Variants in ZDHHC5 observed in about 807,000 individuals in gnomAD.
ZDHHC5 encodes palmitoyltransferase ZDHHC5.
Under a neutral mutation model 70.0 loss-of-function variants are expected in ZDHHC5, and 22 were observed. That is an observed-to-expected ratio of 0.31 (90% CI 0.22 to 0.45). The LOEUF (loss-of-function observed/expected upper bound fraction) is 0.45, where lower values mean the gene tolerates loss of function less well. Among genes scored for constraint, ZDHHC5 ranks in the 20% least tolerant of loss-of-function variants. The pLI is 1.00. For missense variants in ZDHHC5, 746 were observed against 926.9 expected, an observed-to-expected ratio of 0.80 and a Z score of 2.53; for synonymous variants, 313 against 347.8, an observed-to-expected ratio of 0.90 and a Z score of 1.11.
chr11:57,688,376 C>G, intron 3 of ZDHHC5, 132 bp from the exon 4 acceptor site: 1 of 1,059,776 alleles, frequency 9.4e-7, no homozygotes, highest in Non-Finnish European at 1.3e-6. Flanking sequence ...TCTTATAGTT[C>G]CTAGTTCCTA....
At chr11:57,681,930 G>A (rs999580787) in intron 2 of ZDHHC5, among the ~76,000 whole-genome samples, 5 of 152,244 alleles carry the variant, frequency 3.3e-5, no homozygotes, top group Non-Finnish European at 5.9e-5. Context: ...AGGCACTTAT[G>A]TGGTTCAGTC....
At position 57,673,211 on chromosome 11, in the gene ZDHHC5, C is replaced by T. The variant is rs951330636; in HGVS notation, c.104+17C>T. On this transcript the variant is annotated intron_variant, in intron 2 of 11. Coordinates refer to ENST00000287169, the MANE Select transcript of ZDHHC5 (RefSeq NM_015457.3). Reference sequence around the variant, plus strand: ...TGCCTTTACGTGAGTTTTCTCCCAGCAGGGGTGTTTGGGTGGGTGGATACT... The same window carrying T: ...TGCCTTTACGTGAGTTTTCTCCCAGTAGGGGTGTTTGGGTGGGTGGATACT... The T allele has an allele frequency of 1.2e-6, 2 of 1,612,528 alleles. No homozygotes were observed. The highest frequency in any genetic ancestry group is 1.1e-5 in the South Asian group (1 of 91,030).
At chr11:57,668,934 T>G (rs947267840) in intron 1 of ZDHHC5, among the ~76,000 whole-genome samples, 1 of 152,230 alleles carries the variant, frequency 6.6e-6, no homozygotes, top group Non-Finnish European at 1.5e-5. Flanking sequence ...AGGAAGGCAG[T>G]TGTAGGATCA....
intron 1 of ZDHHC5, among the ~76,000 whole-genome samples, chr11:57,671,328 T>A (rs1946003743): frequency 6.6e-6 from 1 of 152,208 alleles, no homozygotes; most frequent in Non-Finnish European, 1.5e-5. Context: ...TTACTTTTAA[T>A]CATATTGGGG....
chr11:57,681,561 G>C (rs552241801), intron 2 of ZDHHC5: 2 of 152,336 alleles, frequency 1.3e-5, no homozygotes, highest in South Asian at 4.1e-4. Flanking sequence ...AGCAGAGAAA[G>C]GAAGAGCTCT....
At position 57,672,989 on chromosome 11, in the gene ZDHHC5, G is replaced by A; in HGVS notation, c.-102G>A. ...TTTTCTGTTTCCCTGGTTTTCTTTT[G>A]TACTCCTCTCTGTTGCTTCCCTCCT... On this transcript the variant is annotated 5_prime_UTR_variant, in exon 2 of 12. Transcript: ENST00000287169. 1.9e-6 allele frequency: 2 copies of A among 1,065,034 alleles called. No homozygotes were observed. Among genetic ancestry groups the A allele is most frequent in the African/African-American group, 1.6e-5 (1 of 63,208 alleles). The allele number at this position is 1,065,034 out of a possible 1,614,324, so 66.0% of individuals were successfully genotyped here. A position where few individuals can be genotyped will look rare whatever the true frequency, so the allele number is the denominator to read the frequency against.
chr11:57,690,478 A>G, intron 6 of ZDHHC5, 41 bp downstream of exon 6: 2 of 1,599,112 alleles, frequency 1.3e-6, no homozygotes, highest in Non-Finnish European at 8.6e-7. Context: ...AGAGCAGGTC[A>G]TGTCTCTTTA....
At position 57,699,855 on chromosome 11, in the gene ZDHHC5, C is replaced by G; in HGVS notation, c.1983-11C>G. 1 of 1,614,232 alleles carries G rather than the reference C, an allele frequency of 6.2e-7. No homozygotes were observed. Among genetic ancestry groups the G allele is most frequent in the Non-Finnish European group, 8.5e-7 (1 of 1,180,028 alleles). ...ATTTCCTGACACCTACGTCTTGTCT[C>G]TTCTTTCCAGAGATGAAGTACAGCT... On this transcript the variant is annotated splice_polypyrimidine_tract_variant and intron_variant, in intron 11 of 11. Coordinates refer to ENST00000287169, the MANE Select transcript of ZDHHC5 (RefSeq NM_015457.3).
chr11:57,675,686 T>A (rs545498298), intron 2 of ZDHHC5, among the ~76,000 whole-genome samples: 1 of 152,356 alleles, frequency 6.6e-6, no homozygotes, highest in African/African-American at 2.4e-5. Flanking sequence ...ACAAACACAC[T>A]GTTTATCTTA....
At position 57,700,086 on chromosome 11, in the gene ZDHHC5, G is replaced by C; in HGVS notation, c.*55G>C. The C allele has an allele frequency of 4.6e-6, 7 of 1,510,228 alleles. No homozygotes were observed. The highest frequency in any genetic ancestry group is 6.2e-6 in the Non-Finnish European group (7 of 1,131,738). 93.6% of individuals were successfully genotyped at this position (1,510,228 alleles called of 1,614,324 possible). A position where few individuals can be genotyped will look rare whatever the true frequency, so the allele number is the denominator to read the frequency against. ...CTGCGCCTACACCAAAGGGCCCCAGGTGGCCACCTTCCTTCCCTCAAGGGG... is the reference window on the plus strand; with the variant it reads ...CTGCGCCTACACCAAAGGGCCCCAGCTGGCCACCTTCCTTCCCTCAAGGGG... On this transcript the variant is annotated 3_prime_UTR_variant, in exon 12 of 12. Coordinates refer to ENST00000287169, the MANE Select transcript of ZDHHC5 (RefSeq NM_015457.3).
intron 2 of ZDHHC5, among the ~76,000 whole-genome samples, chr11:57,681,227 G>C (rs908443042): frequency 6.6e-6 from 1 of 152,112 alleles, no homozygotes; most frequent in Non-Finnish European, 1.5e-5. Context: ...TTTTGTTTTG[G>C]TGGGTGCAGA....
Position 57,699,231 on chromosome 11 carries a change from C to A in ZDHHC5, c.1795C>A (p.Pro599Thr). ...DSKRSPLGKT[P>T]LGRPAVPRFG... ...AAAGAGATCACCTTTGGGCAAGACT[C>A]CACTGGGACGCCCAGCTGTCCCCCG... The change falls in exon 11 of 12, where the codon CCA (proline) becomes ACA (threonine). Residue 599 changes from proline (P) to threonine (T), a missense_variant. Physicochemically the swap from Pro to Thr is conservative, Grantham distance 38. Coordinates refer to ENST00000287169, the MANE Select transcript of ZDHHC5 (RefSeq NM_015457.3). 1.2e-6 allele frequency: 2 copies of A among 1,614,268 alleles called. No individual in the cohort carries two copies. The highest frequency in any genetic ancestry group is 1.1e-5 in the South Asian group (1 of 91,092).
intron 1 of ZDHHC5, among the ~76,000 whole-genome samples, chr11:57,671,383 T>C (rs1317329063): frequency 6.6e-6 from 1 of 152,236 alleles, no homozygotes; most frequent in Non-Finnish European, 1.5e-5. Flanking sequence ...AATAATAAAC[T>C]GTTGAATTGG....
At chr11:57,691,261 A>G (rs1462743209) in intron 6 of ZDHHC5, among the ~76,000 whole-genome samples, 1 of 152,064 alleles carries the variant, frequency 6.6e-6, no homozygotes, top group East Asian at 1.9e-4. Flanking sequence ...TAGTAGAGAC[A>G]GGGTTTCACC....
intron 1 of ZDHHC5, among the ~76,000 whole-genome samples, chr11:57,669,190 CTCTT>C (rs1945968436): frequency 6.6e-6 from 1 of 152,196 alleles, no homozygotes. Context: ...AACTTCTTGG[CTCTT>C]TCTCCCATAC....
Position 57,673,054 on chromosome 11 carries a change from C to T in ZDHHC5, c.-37C>T, listed in dbSNP as rs1946026317. On this transcript the variant is annotated 5_prime_UTR_variant, in exon 2 of 12. Coordinates refer to ENST00000287169, the MANE Select transcript of ZDHHC5 (RefSeq NM_015457.3). ...TGTTCTGCCGCTGTGTGGGCCTGGG[C>T]TATGCGGCAGGGCAGATTTCCCATC... is the stretch of plus-strand genomic sequence containing the variant. 6.2e-7 allele frequency: 1 copy of T among 1,600,452 alleles called. No homozygotes were observed. The highest frequency in any genetic ancestry group is 1.3e-5 in the African/African-American group (1 of 74,604).
intron 2 of ZDHHC5, among the ~76,000 whole-genome samples, chr11:57,674,705 A>G (rs948554765): frequency 6.6e-6 from 1 of 152,210 alleles, no homozygotes; most frequent in African/African-American, 2.4e-5. Flanking sequence ...AAGCCAAAAG[A>G]TATTCTGAAA....
intron 2 of ZDHHC5, chr11:57,681,770 A>G (rs1167570789): frequency 6.6e-6 from 1 of 152,152 alleles, no homozygotes; most frequent in Non-Finnish European, 1.5e-5. Flanking sequence ...ATCCTCCCCC[A>G]TTCCTGCTTC....
chr11:57,699,667 G>A (rs1946414035), intron 11 of ZDHHC5, among the ~76,000 whole-genome samples, 199 bp from the exon 12 acceptor site: 1 of 152,222 alleles, frequency 6.6e-6, no homozygotes. Context: ...TGTGATAGCT[G>A]TTACTAGAGA....
Sources: allele counts gnomAD v4.1 joint callset (sites outside exome capture counted in the v4.1 genomes callset), GRCh38; gene constraint gnomAD v4.1.1; transcripts MANE v1.5; gene names NCBI Gene and HGNC (gene_info 2026-07-23, HGNC 2026-07-21).